Variants in POPDC3 observed in about 807,000 individuals in gnomAD.
POPDC3 encodes popeye domain-containing protein 3.
POPDC3 carries 20 observed loss-of-function variants against 28.2 expected under a neutral mutation model. That is an observed-to-expected ratio of 0.71 (90% confidence interval 0.50 to 1.03). POPDC3 has a LOEUF of 1.03. Ranked by LOEUF, POPDC3 falls within the 50% of genes least tolerant of loss-of-function variation. The pLI, the probability that POPDC3 is intolerant of heterozygous loss-of-function variation, is 0.00. For missense variants in POPDC3, 316 were observed against 345.9 expected (o/e 0.91, Z 0.69); for synonymous variants, 118 against 124.1 (o/e 0.95, Z 0.33).
In POPDC3 at chr6:105,166,003, T is replaced by G. The variant is rs549297298; in HGVS notation, c.-251-3843A>C. On this transcript the variant is annotated intron_variant, in intron 1 of 3. Transcript: ENST00000254765. ...CAGGAGGAAAGTACTATTATCTCCA[T>G]TTTACACATAAGAAAATTTAAATTC... Among the ~76,000 whole-genome samples, 4 of 152,322 alleles carry G rather than the reference T, an allele frequency of 2.6e-5. No individual in the cohort carries two copies. The South Asian group carries it at 8.3e-4, about 32-fold the overall frequency.
chr6:105,175,299 G>GA (rs750596971), intron 1 of POPDC3, among the ~76,000 whole-genome samples: 2 of 151,788 alleles, frequency 1.3e-5, no homozygotes, highest in African/African-American at 2.4e-5. Context: ...AGCACTTTGG[G>GA]AGGCTGAGGT....
intron 1 of POPDC3, among the ~76,000 whole-genome samples, chr6:105,171,753 C>CA (rs1410186383): frequency 1.3e-5 from 2 of 151,222 alleles, no homozygotes; most frequent in African/African-American, 4.9e-5. Flanking sequence ...CCAATGTTAA[C>CA]ACTATTTAAG....
In POPDC3 at chr6:105,176,603, C is replaced by G. The variant is rs1267129116; in HGVS notation, c.-252+3230G>C. 2.0e-5 allele frequency among the ~76,000 whole-genome samples: 3 copies of G among 152,088 alleles called. No individual in the cohort carries two copies. In the East Asian group the frequency reaches 5.8e-4, roughly 29 times the overall value. On this transcript the variant is annotated intron_variant, in intron 1 of 3. Coordinates refer to ENST00000254765, the MANE Select transcript of POPDC3 (RefSeq NM_022361.5). The stretch of plus-strand genomic sequence containing the variant: ...ACAGAGTCTTGCTCTGTCACCCAGG[C>G]TGGAGTGCGGTGGCGCGATCTCAGC...
chr6:105,171,307 G>A (rs902220645), intron 1 of POPDC3, among the ~76,000 whole-genome samples: 4 of 152,182 alleles, frequency 2.6e-5, no homozygotes, highest in Non-Finnish European at 4.4e-5. Context: ...TTCAAAACAT[G>A]CATTATAACA....
rs1389060260 is a variant in POPDC3 at position 105,157,953 on chromosome 6, A to G, written c.*517T>C. Among the ~76,000 whole-genome samples the G allele has an allele frequency of 6.6e-6, 1 of 152,210 alleles. No individual in the cohort carries two copies. Among genetic ancestry groups the G allele is most frequent in the Non-Finnish European group, 1.5e-5 (1 of 68,046 alleles). ...CAATAAAATAGGCTTCAAGATTCAC[A>G]TATTATTATCTCTTGCATTTATTCT... On this transcript the variant is annotated 3_prime_UTR_variant, in exon 4 of 4. Transcript: ENST00000254765.
At chr6:105,162,998 A>G (rs1229310615) in intron 1 of POPDC3, among the ~76,000 whole-genome samples, 4 of 152,224 alleles carry the variant, frequency 2.6e-5, no homozygotes, top group Admixed American at 2.6e-4. Flanking sequence ...TTTGGCGCTC[A>G]TGCCCATATG....
rs938709066 is a variant in POPDC3, at chr6:105,167,538, G to C, written c.-251-5378C>G. Among the ~76,000 whole-genome samples, 3 of 152,110 alleles carry C rather than the reference G, an allele frequency of 2.0e-5. No individual in the cohort carries two copies. The East Asian group carries it at 5.8e-4, about 29-fold the overall frequency. ...GAGGAGGATGGATCACTTGAGGCCA[G>C]GAGTTCAAGACCAGCCTGGCCAACA... On this transcript the variant is annotated intron_variant, in intron 1 of 3. Coordinates refer to ENST00000254765, the MANE Select transcript of POPDC3 (RefSeq NM_022361.5).
Position 105,161,434 on chromosome 6 carries a change from ACAAG to A in POPDC3, c.472_475del (p.Leu158PhefsTer7). The A allele has an allele frequency of 6.2e-7, 1 of 1,611,996 alleles. No individual in the cohort carries two copies. The highest frequency in any genetic ancestry group is 1.3e-5 in the African/African-American group (1 of 74,950). ...CACCAAAGGTACAAACCTTCCTGAA[ACAAG>A]CAAGGAGAGTTTATCAATGGAAGTT... On this transcript the variant is annotated frameshift_variant, in exon 2 of 4. Transcript: ENST00000254765. LOFTEE classifies it high-confidence loss of function.
chr6:105,174,429 A>C (rs1199826870), intron 1 of POPDC3, among the ~76,000 whole-genome samples: 1 of 152,232 alleles, frequency 6.6e-6, no homozygotes, highest in Non-Finnish European at 1.5e-5. Flanking sequence ...GGAGGTAAGG[A>C]AACTGGCTCA....
chr6:105,158,392 T>C lies in POPDC3; in HGVS notation c.*78A>G. 1.6e-6 allele frequency: 2 copies of C among 1,276,088 alleles called. No homozygotes were observed. The highest frequency in any genetic ancestry group is 2.1e-6 in the Non-Finnish European group (2 of 934,726). The allele number at this position is 1,276,088 out of a possible 1,614,324, so 79.0% of individuals were successfully genotyped here. A position where few individuals can be genotyped will look rare whatever the true frequency, so the allele number is the denominator to read the frequency against. On this transcript the variant is annotated 3_prime_UTR_variant, in exon 4 of 4. Transcript: ENST00000254765. ...TTTATAAAAACATTAGGGAGCTCTT[T>C]TTTTGTATTTTGCTATTTCACTGGG... is the stretch of plus-strand genomic sequence containing the variant.
intron 1 of POPDC3, among the ~76,000 whole-genome samples, chr6:105,166,868 TTGTGTGTG>T (rs5878839): frequency 2.4e-4 from 36 of 149,050 alleles, no homozygotes; most frequent in African/African-American, 5.7e-4. Flanking sequence ...ACATAGATGG[TTGTGTGTG>T]TGTGTGTGTG....
chr6:105,178,764 C>A, intron 1 of POPDC3: 1 of 985,044 alleles, frequency 1.0e-6, no homozygotes, highest in Non-Finnish European at 1.2e-6. Flanking sequence ...AAGAACAATG[C>A]CAAGTTATTG....
At chr6:105,162,513 C>T (rs568627221) in intron 1 of POPDC3, among the ~76,000 whole-genome samples, 1 of 152,224 alleles carries the variant, frequency 6.6e-6, no homozygotes, top group East Asian at 1.9e-4. Flanking sequence ...GGGTGGATCA[C>T]TTGAGGCCAG....
chr6:105,175,774 G>A (rs776836969), intron 1 of POPDC3, among the ~76,000 whole-genome samples: 8 of 151,986 alleles, frequency 5.3e-5, no homozygotes, highest in East Asian at 1.9e-4. Context: ...TCCAGGAGGC[G>A]GAGGTTGCAG....
intron 1 of POPDC3, chr6:105,166,545 G>A: frequency 6.4e-6 from 3 of 470,966 alleles, no homozygotes; most frequent in South Asian, 3.1e-5. Flanking sequence ...TTTTTAAAGA[G>A]CCAGAAAGGT....
In POPDC3 at chr6:105,173,284, A is replaced by T. The variant is rs372700724; in HGVS notation, c.-252+6549T>A. Among the ~76,000 whole-genome samples the T allele has an allele frequency of 1.1e-4, 17 of 152,346 alleles. 1 individual carries two copies. The South Asian group carries it at 3.3e-3, about 30-fold the overall frequency. ...AATAAATTCCAAACAGAATGTTTTA[A>T]AGTGCTTCTGTTTATCTCTTTTTCT... On this transcript the variant is annotated intron_variant, in intron 1 of 3. Transcript: ENST00000254765.
chr6:105,165,219 T>A (rs1372147099), intron 1 of POPDC3, among the ~76,000 whole-genome samples: 3 of 152,220 alleles, frequency 2.0e-5, no homozygotes, highest in Non-Finnish European at 4.4e-5. Context: ...GGAACCCAAG[T>A]GGGATATTCT....
At chr6:105,176,250 A>C (rs1287078820) in intron 1 of POPDC3, among the ~76,000 whole-genome samples, 2 of 152,222 alleles carry the variant, frequency 1.3e-5, no homozygotes, top group East Asian at 1.9e-4. Flanking sequence ...AGGTTCACAG[A>C]GCTCTATCCA....
At chr6:105,158,826 G>T (rs994504165) in intron 3 of POPDC3, 75 bp from the exon 4 acceptor site, 3 of 1,295,838 alleles carry the variant, frequency 2.3e-6, no homozygotes, top group Non-Finnish European at 3.2e-6. Flanking sequence ...TACCCCAATT[G>T]TTAAATTAAT....
Sources: gnomAD v4.1 joint callset for allele counts (sites outside exome capture counted in the v4.1 genomes callset) on GRCh38, gnomAD v4.1.1 for gene constraint, MANE v1.5 for transcripts, NCBI Gene and HGNC (gene_info 2026-07-23, HGNC 2026-07-21) for gene names.